Variants in SMOC2 observed in about 807,000 individuals in gnomAD.
SMOC2 encodes the protein SPARC related modular calcium binding 2.
Under a neutral mutation model 61.4 loss-of-function variants are expected in SMOC2, and 39 were observed. The observed-to-expected ratio is 0.64, with a 90% CI of 0.49 to 0.83. SMOC2 has a LOEUF of 0.83. SMOC2 is among the 40% of genes least tolerant of loss of function. SMOC2 has a pLI of 0.00. For synonymous variants in SMOC2, 247 were observed against 239.9 expected (o/e 1.03, Z -0.27); for missense variants, 556 against 592.9 (o/e 0.94, Z 0.65).
intron 9 of SMOC2, among the ~76,000 whole-genome samples, chr6:168,612,456 G>A (rs4419652): frequency 0.14 from 14,930 of 108,684 alleles, 1,514 homozygotes; most frequent in Non-Finnish European, 0.15. Context: ...GATCTCCATC[G>A]GGGAGAGGGT....
chr6:168,443,974 A>G (rs530675628), intron 1 of SMOC2, among the ~76,000 whole-genome samples: 17 of 152,246 alleles, frequency 1.1e-4, no homozygotes, highest in Admixed American at 2.6e-4. Context: ...TGCGCCTACT[A>G]TATGTGAGTT....
At chr6:168,616,780 A>G (rs56706468) in intron 9 of SMOC2, among the ~76,000 whole-genome samples, 39,139 of 152,170 alleles carry the variant, frequency 0.26, 5,155 homozygotes, top group Non-Finnish European at 0.27. Context: ...TCCCAGAGGC[A>G]TCATAAGACA....
intron 9 of SMOC2, among the ~76,000 whole-genome samples, chr6:168,643,899 G>A (rs889392535): frequency 3.9e-5 from 6 of 152,256 alleles, no homozygotes; most frequent in Non-Finnish European, 5.9e-5. Flanking sequence ...ACGGCCCCAC[G>A]CGTAGATCAG....
chr6:168,560,401 T>C (rs1388549109), intron 7 of SMOC2, among the ~76,000 whole-genome samples: 1 of 152,278 alleles, frequency 6.6e-6, no homozygotes, highest in African/African-American at 2.4e-5. Flanking sequence ...GGAAGAGTCA[T>C]GGTTACTGAC....
chr6:168,458,795 G>A (rs529560521), intron 1 of SMOC2, among the ~76,000 whole-genome samples: 34 of 152,304 alleles, frequency 2.2e-4, no homozygotes, highest in Non-Finnish European at 3.8e-4. Context: ...TCTGCACCCT[G>A]CAGTGGTCTG....
chr6:168,525,576 G>A (rs1001217799), intron 2 of SMOC2, among the ~76,000 whole-genome samples: 10 of 152,142 alleles, frequency 6.6e-5, no homozygotes, highest in African/African-American at 2.2e-4. Context: ...GCTCATCCTT[G>A]GGGTGTCTTC....
At chr6:168,454,993 TTGG>T (rs2114997056) in intron 1 of SMOC2, among the ~76,000 whole-genome samples, 1 of 152,114 alleles carries the variant, frequency 6.6e-6, no homozygotes, top group Non-Finnish European at 1.5e-5. Flanking sequence ...CCAGAGGGTC[TTGG>T]TGGCCGGGGT....
At chr6:168,522,685 TCAGACA>T (rs1407586966) in intron 2 of SMOC2, among the ~76,000 whole-genome samples, 5 of 151,468 alleles carry the variant, frequency 3.3e-5, no homozygotes, top group Non-Finnish European at 1.5e-5. Flanking sequence ...GTGAAGGAAG[TCAGACA>T]CAGAAGTATA....
At chr6:168,623,315 G>A (rs957233879) in intron 9 of SMOC2, among the ~76,000 whole-genome samples, 8 of 144,770 alleles carry the variant, frequency 5.5e-5, no homozygotes, top group African/African-American at 1.8e-4. Context: ...TTTTGGCTGA[G>A]ACATGGATAA....
At chr6:168,540,558 G>A (rs1346409915) in intron 4 of SMOC2, among the ~76,000 whole-genome samples, 1 of 152,150 alleles carries the variant, frequency 6.6e-6, no homozygotes, top group African/African-American at 2.4e-5. Flanking sequence ...CCAGGGGCAC[G>A]GAGCTAGGAG....
chr6:168,628,308 A>G (rs1437136175), intron 9 of SMOC2, among the ~76,000 whole-genome samples: 1 of 152,176 alleles, frequency 6.6e-6, no homozygotes, highest in African/African-American at 2.4e-5. Context: ...GCTACCTCCC[A>G]AATAAAAACC....
chr6:168,459,389 C>A (rs1053130139), intron 1 of SMOC2, among the ~76,000 whole-genome samples: 1 of 152,102 alleles, frequency 6.6e-6, no homozygotes, highest in Admixed American at 6.5e-5. Flanking sequence ...GGAAAGGGGG[C>A]GTTTGCCGCA....
At chr6:168,648,540 G>C (rs911159584) in intron 9 of SMOC2, among the ~76,000 whole-genome samples, 1 of 152,232 alleles carries the variant, frequency 6.6e-6, no homozygotes, top group African/African-American at 2.4e-5. Flanking sequence ...TGGAAGCACC[G>C]CGGCCAGCAG....
chr6:168,522,140 T>C (rs1562568549), intron 2 of SMOC2, among the ~76,000 whole-genome samples: 1 of 152,208 alleles, frequency 6.6e-6, no homozygotes, highest in Non-Finnish European at 1.5e-5. Context: ...AATATAATAC[T>C]ATGAGCCAAA....
At chr6:168,559,298 A>G (rs1784336275) in intron 7 of SMOC2, among the ~76,000 whole-genome samples, 1 of 152,060 alleles carries the variant, frequency 6.6e-6, no homozygotes, top group South Asian at 2.1e-4. Flanking sequence ...TCTACTAAAA[A>G]TACAAAATTA....
intron 1 of SMOC2, among the ~76,000 whole-genome samples, chr6:168,490,810 C>T (rs569468750): frequency 5.3e-5 from 8 of 152,252 alleles, no homozygotes; most frequent in Non-Finnish European, 1.2e-4. Context: ...TGAGTCTGGG[C>T]TGAGGCTGCA....
intron 4 of SMOC2, among the ~76,000 whole-genome samples, chr6:168,529,594 G>A (rs1404140631): frequency 6.6e-6 from 1 of 152,206 alleles, no homozygotes; most frequent in African/African-American, 2.4e-5. Context: ...TGGGCACGGC[G>A]GAGCCAGTGT....
In SMOC2 at chr6:168,666,418, C is replaced by T; in HGVS notation, c.1324-3C>T. On this transcript the variant is annotated splice_polypyrimidine_tract_variant and splice_region_variant and intron_variant, in intron 12 of 12. Transcript: ENST00000356284. ...TGTCTCTTTTTTGTTTTTTCCTTTTCAGCCAAGGAAACAAGGATAAATGGC... is the reference window on the plus strand; with the variant it reads ...TGTCTCTTTTTTGTTTTTTCCTTTTTAGCCAAGGAAACAAGGATAAATGGC... The T allele has an allele frequency of 2.5e-6, 4 of 1,613,696 alleles. No individual in the cohort carries two copies. In the African/African-American group the frequency reaches 5.3e-5, roughly 22 times the overall value.
At chr6:168,592,650 G>A (rs71536609) in intron 7 of SMOC2, among the ~76,000 whole-genome samples, 1 of 133,636 alleles carries the variant, frequency 7.5e-6, no homozygotes, top group Non-Finnish European at 1.6e-5. Context: ...CTAGAGGATC[G>A]CTGAGCTCCT....
Sources: gnomAD v4.1 joint callset for allele counts (sites outside exome capture counted in the v4.1 genomes callset) on GRCh38, gnomAD v4.1.1 for gene constraint, MANE v1.5 for transcripts, NCBI Gene and HGNC (gene_info 2026-07-23, HGNC 2026-07-21) for gene names.